Variants in LRBA observed in about 807,000 individuals in gnomAD.
The protein encoded by LRBA is lipopolysaccharide-responsive and beige-like anchor protein.
Under a neutral mutation model 330.0 loss-of-function variants are expected in LRBA, and 176 were observed. That is an observed-to-expected ratio of 0.53 (90% CI 0.47 to 0.60). The LOEUF (loss-of-function observed/expected upper bound fraction) is 0.60, where lower values mean the gene tolerates loss of function less well. LRBA is among the 20% of genes least tolerant of loss of function. The pLI, the probability that LRBA is intolerant of heterozygous loss-of-function variation, is 0.00. For missense variants in LRBA, 3,259 were observed against 3,444.8 expected (o/e 0.95, Z 1.35); for synonymous variants, 1,230 against 1,193.0 (o/e 1.03, Z -0.64).
rs189104550 is a variant in LRBA at position 150,286,526 on chromosome 4, C to A, written c.8018-492G>T. ...GCAGCCCCTCTCTTAAATATGTATT[C>A]TCTCTACTAAGCTTATGTATTTTTC... is the stretch of plus-strand genomic sequence containing the variant. On this transcript the variant is annotated intron_variant, in intron 53 of 56. Transcript: ENST00000651943. 2.0e-3 allele frequency among the ~76,000 whole-genome samples: 303 copies of A among 152,160 alleles called. 2 individuals carry two copies. The highest frequency in any genetic ancestry group is 3.5e-3 in the Non-Finnish European group (236 of 68,000).
At chr4:150,884,740 G>A (rs576128518) in intron 17 of LRBA, among the ~76,000 whole-genome samples, 17 of 152,122 alleles carry the variant, frequency 1.1e-4, no homozygotes, top group Non-Finnish European at 2.1e-4. Flanking sequence ...AAAAAGTCTA[G>A]AGTTGCCCAG....
At chr4:150,637,595 G>GTTTC (rs1778050763) in intron 37 of LRBA, among the ~76,000 whole-genome samples, 2 of 152,112 alleles carry the variant, frequency 1.3e-5, no homozygotes, top group Non-Finnish European at 2.9e-5. Flanking sequence ...CTCTCTTGAT[G>GTTTC]GCTTTGATGA....
At chr4:150,564,903 GA>G (rs969796898) in intron 40 of LRBA, among the ~76,000 whole-genome samples, 2 of 152,058 alleles carry the variant, frequency 1.3e-5, no homozygotes, top group African/African-American at 4.8e-5. Context: ...AAGCTATGGA[GA>G]AAAAAAGAAT....
intron 15 of LRBA, 63 bp from the exon 16 acceptor site, chr4:150,896,519 T>C (rs1730105666): frequency 2.4e-6 from 2 of 827,492 alleles, no homozygotes; most frequent in Non-Finnish European, 4.0e-6. Context: ...AGAGAAATTA[T>C]ACACATAGAT....
At chr4:150,740,141 G>A (rs917466867) in intron 35 of LRBA, among the ~76,000 whole-genome samples, 7 of 152,074 alleles carry the variant, frequency 4.6e-5, no homozygotes, top group Non-Finnish European at 5.9e-5. Flanking sequence ...ATTAGGAAAC[G>A]TTTGCAGTAA....
At chr4:150,657,359 G>A (rs1025592025) in intron 37 of LRBA, among the ~76,000 whole-genome samples, 3 of 151,914 alleles carry the variant, frequency 2.0e-5, no homozygotes, top group Non-Finnish European at 4.4e-5. Flanking sequence ...ATAACCTCTA[G>A]GGGTTACCAT....
rs1746591986 is a variant in LRBA at position 150,828,357 on chromosome 4, T to C, written c.4994A>G (p.Lys1665Arg). The change falls in exon 30 of 57, where the codon AAG becomes AGG. Residue 1665 changes from lysine (K) to arginine (R), a missense_variant. Coordinates refer to ENST00000651943, the MANE Select transcript of LRBA (RefSeq NM_001364905.1). ...TGAAACTGAAACTGACGGTGTAGCC[T>C]TAGTGTCCAAGTCATTTCCTCTATC... ...KNDRGNDLDTKATPSVSVSKN... is the reference protein window; with the variant it reads ...KNDRGNDLDTRATPSVSVSKN... 6.2e-7 allele frequency: 1 copy of C among 1,614,138 alleles called. No individual in the cohort carries two copies. Among genetic ancestry groups the C allele is most frequent in the East Asian group, 2.2e-5 (1 of 44,878 alleles).
chr4:150,885,879 TA>T, intron 17 of LRBA, among the ~76,000 whole-genome samples: 1 of 152,096 alleles, frequency 6.6e-6, no homozygotes, highest in East Asian at 1.9e-4. Context: ...TGGAAGCAAA[TA>T]AAAGTATTCT....
At chr4:150,870,429 C>T (rs1579052991) in intron 20 of LRBA, 96 bp downstream of exon 20, 1 of 736,450 alleles carries the variant, frequency 1.4e-6, no homozygotes, top group Non-Finnish European at 2.5e-6. Context: ...ATTCATCTAA[C>T]AATCTGTTTC....
chr4:150,628,911 G>A (rs1777105539), intron 37 of LRBA, among the ~76,000 whole-genome samples: 1 of 152,098 alleles, frequency 6.6e-6, no homozygotes, highest in Non-Finnish European at 1.5e-5. Flanking sequence ...AATTTTTGCT[G>A]TTGTTTTTGA....
intron 47 of LRBA, among the ~76,000 whole-genome samples, chr4:150,369,444 T>C (rs993096995): frequency 3.9e-5 from 6 of 152,292 alleles, no homozygotes; most frequent in African/African-American, 1.2e-4. Context: ...ATGTACTATG[T>C]TCAGAATGCT....
chr4:150,973,973 C>T (rs1739871332), intron 2 of LRBA, among the ~76,000 whole-genome samples: 1 of 152,192 alleles, frequency 6.6e-6, no homozygotes, highest in Non-Finnish European at 1.5e-5. Context: ...ATATAAGACG[C>T]ACTCGCTGAT....
At chr4:150,407,107 A>T (rs1242052984) in intron 47 of LRBA, among the ~76,000 whole-genome samples, 1 of 152,116 alleles carries the variant, frequency 6.6e-6, no homozygotes. Flanking sequence ...TGAGATGGGA[A>T]GATTATCCTG....
Position 150,321,430 on chromosome 4 carries a change from T to C in LRBA, c.7453-62A>G, listed in dbSNP as rs763326662. 1.6e-5 allele frequency: 22 copies of C among 1,400,288 alleles called. No homozygotes were observed. The East Asian group carries it at 5.7e-4, about 36-fold the overall frequency. The allele number at this position is 1,400,288 out of a possible 1,614,324, so 86.7% of individuals were successfully genotyped here. A position where few individuals can be genotyped will look rare whatever the true frequency, so the allele number is the denominator to read the frequency against. ...ACCCAAATAGACAAGAAGGAAAAGA[T>C]GAAGAAAGACAAGAAAGAGAGGGGG... is the stretch of plus-strand genomic sequence containing the variant. On this transcript the variant is annotated intron_variant, in intron 49 of 56. Transcript: ENST00000651943. This position sits in a 1 kb window ranked among gnomAD's most constrained non-coding sequence, Gnocchi z 4.5.
chr4:150,350,309 C>T (rs1736963054), intron 47 of LRBA, 150 bp from the exon 48 acceptor site: 5 of 577,792 alleles, frequency 8.7e-6, no homozygotes, highest in Admixed American at 3.7e-5. Context: ...CAGTGGCTCA[C>T]GCCTATAATC....
rs142336513 is a variant in LRBA, at chr4:150,436,739, T to C, written c.6906A>G (p.Ala2302=). 77 of 1,612,768 alleles carry C rather than the reference T, an allele frequency of 4.8e-5. No individual in the cohort carries two copies. The African/African-American group carries it at 8.9e-4, about 19-fold the overall frequency. ...THYSTASFVL[A]WLLRIEPFTT... is the part of the protein sequence containing the mutation. ...TTGAACTTACTATTCTTAGCAGCCA[T>C]GCAAGAACAAAACTTGCAGTTGAGT... is the stretch of plus-strand genomic sequence containing the variant. Residue 2302 remains alanine, a synonymous_variant, in exon 45 of 57, where the codon GCA becomes GCG. Coordinates refer to ENST00000651943, the MANE Select transcript of LRBA (RefSeq NM_001364905.1).
chr4:150,893,184 A>G, intron 16 of LRBA, 35 bp from the exon 17 acceptor site: 2 of 1,214,602 alleles, frequency 1.6e-6, no homozygotes, highest in Non-Finnish European at 2.4e-6. Context: ...TTAAAAAATG[A>G]GGAAAAAACA....
chr4:150,612,437 A>G (rs1012597708), intron 37 of LRBA, among the ~76,000 whole-genome samples: 7 of 152,170 alleles, frequency 4.6e-5, no homozygotes, highest in African/African-American at 1.7e-4. Context: ...CTTTTTATCC[A>G]CTGGGGAAAA....
intron 48 of LRBA, among the ~76,000 whole-genome samples, chr4:150,334,860 C>T (rs1198425956): frequency 9.6e-4 from 106 of 110,262 alleles, no homozygotes; most frequent in Middle Eastern, 9.4e-3. Flanking sequence ...GACAGAGTTT[C>T]GCTCTGTCAC....
Sources: allele counts gnomAD v4.1 joint callset (sites outside exome capture counted in the v4.1 genomes callset), GRCh38; gene constraint gnomAD v4.1.1; non-coding constraint Gnocchi (gnomAD v3.1); transcripts MANE v1.5; gene names NCBI Gene and HGNC (gene_info 2026-07-23, HGNC 2026-07-21).